ERVFRD-1: variants seen among roughly 807,000 people sequenced by gnomAD.
The protein encoded by ERVFRD-1 is endogenous retrovirus group FRD member 1, envelope.
In ERVFRD-1, 33 loss-of-function variants were observed where a neutral mutation model predicts 43.8. The ratio of observed to expected loss-of-function variants is 0.75; its 90% confidence interval spans 0.57 to 1.01. The LOEUF (loss-of-function observed/expected upper bound fraction) is 1.01. Ranked by LOEUF, ERVFRD-1 falls within the 50% of genes least tolerant of loss-of-function variation. The probability of loss-of-function intolerance (pLI) is 0.00; values close to 1 mark genes in which losing one functional copy is unlikely to be tolerated. For missense variants in ERVFRD-1, 568 were observed against 658.4 expected, an observed-to-expected ratio of 0.86 and a Z score of 1.50; for synonymous variants, 239 against 244.4, an observed-to-expected ratio of 0.98 and a Z score of 0.21.
Position 11,105,624 on chromosome 6 carries a change from G to GT in ERVFRD-1, c.-315dup, listed in dbSNP as rs1758073898. On this transcript the variant is annotated 5_prime_UTR_variant, in exon 2 of 2. Transcript: ENST00000472091. ...GATCTAGCTGGCAGTCTCCAGTACT[G>GT]TAATGGCTGTAGGGGTAGATAATAG... is the stretch of plus-strand genomic sequence containing the variant. 1 of 294,832 alleles carries GT rather than the reference G, an allele frequency of 3.4e-6. No homozygotes were observed. Among genetic ancestry groups the GT allele is most frequent in the Admixed American group, 4.8e-5 (1 of 20,964 alleles). The allele number at this position is 294,832 out of a possible 1,614,324, so 18.3% of individuals were successfully genotyped here.
rs571959545 is a variant in ERVFRD-1 at position 11,103,392 on chromosome 6, C to T, written c.*302G>A. On this transcript the variant is annotated 3_prime_UTR_variant, in exon 2 of 2. Transcript: ENST00000472091. ...CATCACCTGATGGTTGCCTGACATTCCTGGTGAGGGGGCCCTCCCCTGCCC... is the reference window on the plus strand; with the variant it reads ...CATCACCTGATGGTTGCCTGACATTTCTGGTGAGGGGGCCCTCCCCTGCCC... The T allele has an allele frequency of 8.4e-5, 27 of 321,476 alleles. No individual in the cohort carries two copies. In the South Asian group the frequency reaches 2.8e-3, roughly 33 times the overall value. The allele number at this position is 321,476 out of a possible 1,614,324, so 19.9% of individuals were successfully genotyped here. A position where few individuals can be genotyped will look rare whatever the true frequency, so the allele number is the denominator to read the frequency against.
intron 1 of ERVFRD-1, among the ~76,000 whole-genome samples, chr6:11,109,325 G>A (rs531314517): frequency 1.4e-4 from 21 of 152,262 alleles, no homozygotes; most frequent in African/African-American, 4.8e-4. Flanking sequence ...ATGGAGTCTG[G>A]ACTCCAGTGG....
intron 1 of ERVFRD-1, among the ~76,000 whole-genome samples, chr6:11,109,693 C>G (rs1758140204): frequency 6.6e-6 from 1 of 152,240 alleles, no homozygotes; most frequent in Non-Finnish European, 1.5e-5. Flanking sequence ...GGCCAAGATT[C>G]CTGGTCCTAG....
intron 1 of ERVFRD-1, 167 bp from the exon 2 acceptor site, chr6:11,105,797 C>T (rs1758075574): frequency 6.4e-6 from 1 of 155,800 alleles, no homozygotes; most frequent in African/African-American, 2.4e-5. Flanking sequence ...AACCATATTC[C>T]CAGAGAGCCT....
intron 1 of ERVFRD-1, among the ~76,000 whole-genome samples, chr6:11,110,877 C>T (rs1363653582): frequency 6.6e-6 from 1 of 152,058 alleles, no homozygotes; most frequent in Admixed American, 6.6e-5. Flanking sequence ...AGAAAAAAAG[C>T]GAGTGGGTGG....
chr6:11,103,949 T>C lies in ERVFRD-1; in HGVS notation c.1362A>G (p.Gln454=). The C allele has an allele frequency of 6.4e-7, 1 of 1,551,416 alleles. No individual in the cohort carries two copies. The highest frequency in any genetic ancestry group is 2.4e-5 in the East Asian group (1 of 40,910). Reference sequence around the variant, plus strand: ...GTAAACTGGAGGCTTGATTTAGGAGTTGTCTGATGTTGTCTTGTACTTTTC... The same window carrying C: ...GTAAACTGGAGGCTTGATTTAGGAGCTGTCTGATGTTGTCTTGTACTTTTC... ...QSGKVQDNIR[Q]LLNQASSLRE... is the part of the protein sequence containing the mutation. The change falls in exon 2 of 2, where the codon CAA becomes CAG. Residue 454 remains glutamine, a synonymous_variant. Transcript: ENST00000472091.
chr6:11,110,003 C>T (rs1450083007), intron 1 of ERVFRD-1, among the ~76,000 whole-genome samples: 1 of 152,192 alleles, frequency 6.6e-6, no homozygotes, highest in East Asian at 1.9e-4. Context: ...TCTAGGGGTT[C>T]CAGAATGAAC....
At chr6:11,106,017 G>A (rs1421649249) in intron 1 of ERVFRD-1, among the ~76,000 whole-genome samples, 1 of 152,162 alleles carries the variant, frequency 6.6e-6, no homozygotes, top group African/African-American at 2.4e-5. Context: ...TTGGGGATGT[G>A]TTTGAGGGTT....
At chr6:11,107,025 G>A (rs1758095432) in intron 1 of ERVFRD-1, among the ~76,000 whole-genome samples, 1 of 152,182 alleles carries the variant, frequency 6.6e-6, no homozygotes, top group Non-Finnish European at 1.5e-5. Flanking sequence ...GGTCCCCGGG[G>A]ACAGAGCTTT....
In ERVFRD-1 at chr6:11,104,320, C is replaced by G; in HGVS notation, c.991G>C (p.Gly331Arg). The change falls in exon 2 of 2, where the codon GGC (glycine) becomes CGC (arginine). Residue 331 changes from glycine (G) to arginine (R), a missense_variant. Physicochemically the swap from Gly to Arg is moderately radical, Grantham distance 125. Coordinates refer to ENST00000472091, the MANE Select transcript of ERVFRD-1 (RefSeq NM_207582.3). ...ATTGGTATTGGAAGAGAGAGATTGC[C>G]AGGGGCTATGAAGATGTCTGGGGTT... ...YVTPDIFIAP[G>R]NLSLPIPIYG... 1 of 1,551,672 alleles carries G rather than the reference C, an allele frequency of 6.4e-7. No homozygotes were observed. Among genetic ancestry groups the G allele is most frequent in the Non-Finnish European group, 8.7e-7 (1 of 1,146,992 alleles).
chr6:11,111,028 T>G (rs1259808352), intron 1 of ERVFRD-1, among the ~76,000 whole-genome samples: 1 of 152,180 alleles, frequency 6.6e-6, no homozygotes, highest in African/African-American at 2.4e-5. Context: ...AGGTTCTGAT[T>G]AGTGTCTATC....
chr6:11,107,041 C>G (rs1175569170), intron 1 of ERVFRD-1, among the ~76,000 whole-genome samples: 1 of 152,176 alleles, frequency 6.6e-6, no homozygotes, highest in Non-Finnish European at 1.5e-5. Flanking sequence ...GCTTTAACCT[C>G]TGTAATTTGT....
intron 1 of ERVFRD-1, among the ~76,000 whole-genome samples, chr6:11,110,545 C>T (rs1262830123): frequency 6.6e-6 from 1 of 152,104 alleles, no homozygotes; most frequent in South Asian, 2.1e-4. Context: ...GGTCCTGATA[C>T]ATATTGAGAA....
Position 11,104,197 on chromosome 6 carries a change from C to T in ERVFRD-1, c.1114G>A (p.Ala372Thr), listed in dbSNP as rs974086680. Residue 372 changes from alanine to threonine, a missense_variant, in exon 2 of 2, where the codon GCT becomes ACT. Transcript: ENST00000472091. ...GTGAGGGAAGCTTTTGTGATTCCAG[C>T]AATTCCGGTTCCCGTACCAGCTAGA... ...GILAGTGTGI[A>T]GITKASLTYS... is the part of the protein sequence containing the mutation. 1 of 1,551,580 alleles carries T rather than the reference C, an allele frequency of 6.4e-7. No individual in the cohort carries two copies. The highest frequency in any genetic ancestry group is 1.4e-5 in the African/African-American group (1 of 73,042).
At chr6:11,106,610 G>A (rs1758087427) in intron 1 of ERVFRD-1, among the ~76,000 whole-genome samples, 1 of 152,220 alleles carries the variant, frequency 6.6e-6, no homozygotes, top group African/African-American at 2.4e-5. Context: ...CAATACCCAT[G>A]TTGGGTGGCC....
In ERVFRD-1 at chr6:11,104,401, A is replaced by C. The variant is rs1758050822; in HGVS notation, c.910T>G (p.Ser304Ala). Residue 304 changes from serine (S) to alanine (A), a missense_variant, in exon 2 of 2, where the codon TCG (serine) becomes GCG (alanine). By Grantham distance (99) the Ser-to-Ala change is moderately conservative. Coordinates refer to ENST00000472091, the MANE Select transcript of ERVFRD-1 (RefSeq NM_207582.3). Reference protein sequence around the residue: ...TQGAFYICGQSIHQCLPSNWT... With the variant: ...TQGAFYICGQAIHQCLPSNWT... The stretch of plus-strand genomic sequence containing the variant: ...TTACTGGGGAGGCATTGGTGAATCG[A>C]CTGGCCACAAATATAAAAGGCTCCT... 6.4e-7 allele frequency: 1 copy of C among 1,551,554 alleles called. No individual in the cohort carries two copies. Among genetic ancestry groups the C allele is most frequent in the East Asian group, 2.4e-5 (1 of 40,938 alleles).
rs1417074167 is a variant in ERVFRD-1 at position 11,111,678 on chromosome 6, A to G, written c.-322T>C. ...AGGCAAGGCGTAGAGGTGTCTTACC[A>G]CTAGGGAAGGTATCCGAGTCACTGC... On this transcript the variant is annotated splice_region_variant and 5_prime_UTR_variant, in exon 1 of 2. Transcript: ENST00000472091. 1 of 152,260 alleles carries G rather than the reference A, an allele frequency of 6.6e-6. No homozygotes were observed. Among genetic ancestry groups the G allele is most frequent in the Admixed American group, 6.5e-5 (1 of 15,272 alleles). 9.4% of individuals were successfully genotyped at this position (152,260 alleles called of 1,614,324 possible).
At chr6:11,108,092 T>A (rs1758113796) in intron 1 of ERVFRD-1, among the ~76,000 whole-genome samples, 2 of 152,178 alleles carry the variant, frequency 1.3e-5, no homozygotes, top group South Asian at 4.1e-4. Flanking sequence ...GCCCCTAGTC[T>A]GAGCAAAATA....
chr6:11,104,171 G>A lies in ERVFRD-1; in HGVS notation c.1140C>T (p.Thr380=). The A allele has an allele frequency of 1.3e-6, 2 of 1,551,680 alleles. No homozygotes were observed. The highest frequency in any genetic ancestry group is 1.7e-6 in the Non-Finnish European group (2 of 1,146,994). Residue 380 remains threonine (T), a synonymous_variant, in exon 2 of 2, where the codon ACC becomes ACT. Transcript: ENST00000472091. ...CTATTTCCTTTGAGAGCTGGCTATA[G>A]GTGAGGGAAGCTTTTGTGATTCCAG... is the stretch of plus-strand genomic sequence containing the variant. ...GIAGITKASL[T]YSQLSKEIAN...
Sources: allele counts gnomAD v4.1 joint callset (sites outside exome capture counted in the v4.1 genomes callset), GRCh38; gene constraint gnomAD v4.1.1; transcripts MANE v1.5; gene names NCBI Gene and HGNC (gene_info 2026-07-23, HGNC 2026-07-21).